The following PIK3R3 variants were observed in gnomAD, a reference collection of about 807,000 sequenced individuals.
PIK3R3 encodes phosphoinositide-3-kinase regulatory subunit 3, also known as phosphatidylinositol 3-kinase regulatory subunit gamma.
A neutral mutation model predicts 62.9 loss-of-function variants in PIK3R3; 64 were observed. The observed-to-expected ratio is 1.02, with a 90% CI of 0.83 to 1.25. PIK3R3 has a LOEUF of 1.25. Ranked by LOEUF, PIK3R3 falls within the 50% of genes most tolerant of loss-of-function variation. The pLI, the probability that PIK3R3 is intolerant of heterozygous loss-of-function variation, is 0.00. For synonymous variants in PIK3R3, 165 were observed against 189.0 expected, an observed-to-expected ratio of 0.87 and a Z score of 1.04; for missense variants, 614 against 561.6, an observed-to-expected ratio of 1.09 and a Z score of -0.94.
chr1:46,131,823 TC>T, intron 1 of PIK3R3, 23 bp downstream of exon 1: 2 of 1,585,898 alleles, frequency 1.3e-6, no homozygotes, highest in Non-Finnish European at 8.7e-7. Context: ...ATCACGAGAT[TC>T]TTTTTTTTTT....
intron 1 of PIK3R3, among the ~76,000 whole-genome samples, chr1:46,127,290 C>G (rs548777296): frequency 6.7e-6 from 1 of 149,608 alleles, no homozygotes; most frequent in African/African-American, 2.5e-5. Flanking sequence ...TGCAGTGAGC[C>G]ATGATCATGC....
chr1:46,059,614 G>A (rs1648277901), intron 6 of PIK3R3, among the ~76,000 whole-genome samples: 1 of 151,874 alleles, frequency 6.6e-6, no homozygotes, highest in South Asian at 2.1e-4. Flanking sequence ...CAGGAGTTCA[G>A]GACCCCATCT....
chr1:46,110,708 T>C (rs1472310027), intron 1 of PIK3R3, among the ~76,000 whole-genome samples: 1 of 152,058 alleles, frequency 6.6e-6, no homozygotes, highest in Non-Finnish European at 1.5e-5. Flanking sequence ...ATTCAATAAA[T>C]ATTTGTTGAA....
chr1:46,154,558 T>C, the PIK3R3 span, among the ~76,000 whole-genome samples: 1 of 151,862 alleles, frequency 6.6e-6, no homozygotes, highest in Non-Finnish European at 1.5e-5. Flanking sequence ...GACAGAGCAA[T>C]ACCTGTCTCA....
chr1:46,081,223 C>T (rs1650557985), intron 1 of PIK3R3, among the ~76,000 whole-genome samples: 1 of 152,168 alleles, frequency 6.6e-6, no homozygotes. Context: ...AATGAACCCC[C>T]TTGTCTTGGA....
the PIK3R3 span, among the ~76,000 whole-genome samples, chr1:46,158,299 TC>T: frequency 1.3e-5 from 2 of 152,242 alleles, no homozygotes; most frequent in Non-Finnish European, 2.9e-5. Flanking sequence ...GAGTCTGCTC[TC>T]CACTTCTCAC....
chr1:46,131,688 G>A (rs113942456), intron 1 of PIK3R3, 159 bp downstream of exon 1: 6 of 512,008 alleles, frequency 1.2e-5, no homozygotes, highest in African/African-American at 2.4e-5. Flanking sequence ...AACTTTAAAC[G>A]TGTAAACCAG....
At chr1:46,132,631 G>A, upstream of PIK3R3, 1 of 1,289,692 alleles carries the variant, frequency 7.8e-7, no homozygotes, top group South Asian at 1.2e-5. Flanking sequence ...GCTCTGCCCG[G>A]ACTCCAGCCA....
chr1:46,135,693 C>T (rs1254476345), upstream of PIK3R3, among the ~76,000 whole-genome samples: 1 of 152,058 alleles, frequency 6.6e-6, no homozygotes, highest in Non-Finnish European at 1.5e-5. Flanking sequence ...AGAAGTTCTT[C>T]GTGATTAAAG....
the PIK3R3 span, among the ~76,000 whole-genome samples, chr1:46,160,178 A>G: frequency 6.6e-6 from 1 of 152,192 alleles, no homozygotes. Flanking sequence ...GAAAACAAAA[A>G]CCAAAAATCT....
At chr1:46,064,913 A>T (rs558708119) in intron 5 of PIK3R3, among the ~76,000 whole-genome samples, 1 of 152,332 alleles carries the variant, frequency 6.6e-6, no homozygotes, top group East Asian at 1.9e-4. Context: ...GAAAAAAATT[A>T]GAAAGAGCAG....
chr1:46,085,983 T>C (rs1315252466), intron 1 of PIK3R3, among the ~76,000 whole-genome samples: 2 of 152,220 alleles, frequency 1.3e-5, no homozygotes, highest in Non-Finnish European at 2.9e-5. Flanking sequence ...CAAGTAATCC[T>C]TCCGCCTTGG....
intron 7 of PIK3R3, among the ~76,000 whole-genome samples, chr1:46,053,414 T>C (rs539040698): frequency 1.6e-4 from 24 of 152,296 alleles, no homozygotes; most frequent in Admixed American, 1.4e-3. Flanking sequence ...GTCTGAATGT[T>C]AGTATCTTCC....
intron 3 of PIK3R3, among the ~76,000 whole-genome samples, chr1:46,074,899 TG>T (rs748707154): frequency 3.9e-5 from 6 of 152,140 alleles, no homozygotes; most frequent in African/African-American, 7.2e-5. Flanking sequence ...AATCACATGA[TG>T]AGAGTATGTG....
chr1:46,078,811 GAC>G (rs1249547712), intron 2 of PIK3R3, among the ~76,000 whole-genome samples: 1 of 152,098 alleles, frequency 6.6e-6, no homozygotes, highest in Non-Finnish European at 1.5e-5. Flanking sequence ...ATGAAATTCT[GAC>G]ACATGCTACA....
chr1:46,110,233 T>C (rs894580367), intron 1 of PIK3R3, among the ~76,000 whole-genome samples: 2 of 147,344 alleles, frequency 1.4e-5, no homozygotes, highest in African/African-American at 5.0e-5. Context: ...TGGCTCAGCC[T>C]CCCGAGTAGC....
the PIK3R3 span, among the ~76,000 whole-genome samples, chr1:46,163,766 A>T: frequency 3.9e-5 from 6 of 152,078 alleles, no homozygotes; most frequent in African/African-American, 7.2e-5. Flanking sequence ...CGTCACACAG[A>T]CCTTCATTCA....
intron 1 of PIK3R3, among the ~76,000 whole-genome samples, chr1:46,122,964 G>A (rs1654807992): frequency 6.6e-6 from 1 of 152,048 alleles, no homozygotes; most frequent in Non-Finnish European, 1.5e-5. Context: ...ACACATGACT[G>A]TAGTCCCAGT....
At chr1:46,050,563 C>T (rs1355153598) in intron 7 of PIK3R3, among the ~76,000 whole-genome samples, 1 of 151,930 alleles carries the variant, frequency 6.6e-6, no homozygotes, top group East Asian at 1.9e-4. Context: ...GAAAATCTGT[C>T]TCAAAAAAAG....
Sources: allele counts gnomAD v4.1 joint callset (sites outside exome capture counted in the v4.1 genomes callset), GRCh38; gene constraint gnomAD v4.1.1; transcripts MANE v1.5; gene names NCBI Gene and HGNC (gene_info 2026-07-23, HGNC 2026-07-21).